The following PTPN3 variants were observed in gnomAD, a reference collection of about 807,000 sequenced individuals.
The protein encoded by PTPN3 is tyrosine-protein phosphatase non-receptor type 3.
In PTPN3, 96 loss-of-function variants were observed where a neutral mutation model predicts 132.7. That is an observed-to-expected ratio of 0.72 (90% CI 0.61 to 0.86). PTPN3 has a LOEUF of 0.86. PTPN3 is among the 40% of genes least tolerant of loss of function. The pLI, the probability that PTPN3 is intolerant of heterozygous loss-of-function variation, is 0.00. For synonymous variants in PTPN3, 398 were observed against 429.0 expected, an observed-to-expected ratio of 0.93 and a Z score of 0.89; for missense variants, 1,125 against 1,159.6, an observed-to-expected ratio of 0.97 and a Z score of 0.43.
chr9:109,489,686 G>A (rs926679784), intron 1 of PTPN3, among the ~76,000 whole-genome samples: 32 of 151,992 alleles, frequency 2.1e-4, no homozygotes, highest in African/African-American at 6.3e-4. Context: ...TAGCAGGGAC[G>A]CCCAGCCTGA....
Position 109,420,501 on chromosome 9 carries a change from TAC to T in PTPN3, c.1234_1235del (p.Val412IlefsTer16), listed in dbSNP as rs865871462. 1.9e-6 allele frequency: 3 copies of T among 1,613,704 alleles called. No individual in the cohort carries two copies. The highest frequency in any genetic ancestry group is 2.5e-6 in the Non-Finnish European group (3 of 1,179,966). On this transcript the variant is annotated frameshift_variant, in exon 14 of 26. Coordinates refer to ENST00000374541, the MANE Select transcript of PTPN3 (RefSeq NM_002829.4). LOFTEE classifies it high-confidence loss of function. ...EMTYITETED[V>X]FYTYKGSLAP... is the part of the protein sequence containing the mutation. ...CCAGAGAGCCCTTGTACGTGTAAAA[TAC>T]ATCTTCCGTTTCCGTGATGTAGGTC...
chr9:109,468,361 T>TG (rs1018298699), intron 1 of PTPN3, among the ~76,000 whole-genome samples: 137 of 152,026 alleles, frequency 9.0e-4, no homozygotes, highest in Middle Eastern at 3.4e-3. Flanking sequence ...CAGTTTTTTT[T>TG]TTTGTTTGTT....
At chr9:109,452,197 G>T (rs988049146) in intron 5 of PTPN3, among the ~76,000 whole-genome samples, 1 of 150,416 alleles carries the variant, frequency 6.6e-6, no homozygotes, top group Non-Finnish European at 1.5e-5. Flanking sequence ...GAACCCGGGA[G>T]GCCGAGGTTA....
intron 2 of PTPN3, among the ~76,000 whole-genome samples, chr9:109,458,130 T>C (rs1338995766): frequency 6.6e-6 from 1 of 152,122 alleles, no homozygotes; most frequent in Admixed American, 6.5e-5. Context: ...GCAGTGGCTG[T>C]AACAGAGTGT....
At position 109,427,057 on chromosome 9, in the gene PTPN3, C is replaced by T; in HGVS notation, c.894G>A (p.Trp298Ter). ...MLNYRSCKNLWKSCVEHHTFF... is the reference protein window; with the variant it reads ...MLNYRSCKNL The stretch of plus-strand genomic sequence containing the variant: ...ACGTATGGTGCTCAACACAGGATTT[C>T]CACAAGTTTTTGCAAGATCGGTAAT... The change falls in exon 12 of 26, where the codon TGG becomes TGA. Residue 298 changes from tryptophan to a stop codon, truncating the protein, a stop_gained. Transcript: ENST00000374541. LOFTEE classifies it high-confidence loss of function. 3 of 1,614,060 alleles carry T rather than the reference C, an allele frequency of 1.9e-6. No individual in the cohort carries two copies. The highest frequency in any genetic ancestry group is 2.2e-5 in the East Asian group (1 of 44,884).
At chr9:109,417,659 C>T in intron 14 of PTPN3, 1 of 985,010 alleles carries the variant, frequency 1.0e-6, no homozygotes. Flanking sequence ...AAAGTGGCTT[C>T]CCACCGGCAG....
At chr9:109,412,377 ATT>A (rs60379815) in intron 14 of PTPN3, among the ~76,000 whole-genome samples, 17 of 142,608 alleles carry the variant, frequency 1.2e-4, no homozygotes, top group South Asian at 4.6e-4. Flanking sequence ...ACTAATTTTA[ATT>A]TTTTTTTTTT....
rs115904306 is a variant in PTPN3 at position 109,496,166 on chromosome 9, C to T, written c.-18+2053G>A. Among the ~76,000 whole-genome samples, 892 of 152,314 alleles carry T rather than the reference C, an allele frequency of 5.9e-3. 10 individuals are homozygous for T. Among genetic ancestry groups the T allele is most frequent in the African/African-American group, 0.02 (825 of 41,552 alleles). ...CAGGATCAATACAGAGTATTAGGCA[C>T]GTTCTATTCTACTCTAATTCTCTGC... On this transcript the variant is annotated intron_variant, in intron 1 of 25. Transcript: ENST00000374541.
At chr9:109,385,397 A>G (rs1297577741) in intron 22 of PTPN3, among the ~76,000 whole-genome samples, 1 of 152,238 alleles carries the variant, frequency 6.6e-6, no homozygotes, top group Admixed American at 6.5e-5. Context: ...GAAGCTTCAT[A>G]TCTTCAGAAC....
chr9:109,459,704 T>C (rs534077301), intron 2 of PTPN3, among the ~76,000 whole-genome samples: 2 of 152,258 alleles, frequency 1.3e-5, no homozygotes, highest in African/African-American at 4.8e-5. Context: ...CATTAACCAC[T>C]GCACCCAGCC....
chr9:109,521,917 C>G, the PTPN3 span, among the ~76,000 whole-genome samples: 1 of 152,052 alleles, frequency 6.6e-6, no homozygotes, highest in Non-Finnish European at 1.5e-5. Flanking sequence ...CTAGTCTTAT[C>G]CCTTCATTTT....
In PTPN3 at chr9:109,410,057, T is replaced by G. The variant is rs748710824; in HGVS notation, c.1520A>C (p.Tyr507Ser). Residue 507 changes from tyrosine (Y) to serine (S), a missense_variant, in exon 16 of 26, where the codon TAC (tyrosine) becomes TCC (serine). Physicochemically the swap from Tyr to Ser is moderately radical, Grantham distance 144. Coordinates refer to ENST00000374541, the MANE Select transcript of PTPN3 (RefSeq NM_002829.4). ...YCDKNDNGDS[Y>S]LVLIRITPDE... ...TGGTGTGATACGGATCAAGACTAAGTAGCTGTCACCATTATCATTCTGGAA... is the reference window on the plus strand; with the variant it reads ...TGGTGTGATACGGATCAAGACTAAGGAGCTGTCACCATTATCATTCTGGAA... 1 of 1,614,234 alleles carries G rather than the reference T, an allele frequency of 6.2e-7. No homozygotes were observed. Among genetic ancestry groups the G allele is most frequent in the Non-Finnish European group, 8.5e-7 (1 of 1,180,050 alleles).
At chr9:109,405,762 T>G (rs572644844) in intron 18 of PTPN3, among the ~76,000 whole-genome samples, 1 of 152,344 alleles carries the variant, frequency 6.6e-6, no homozygotes, top group South Asian at 2.1e-4. Flanking sequence ...GCTATTGTAT[T>G]TTTAGCAGAG....
intron 5 of PTPN3, among the ~76,000 whole-genome samples, chr9:109,453,445 TTG>T (rs1185928116): frequency 1.3e-5 from 2 of 152,168 alleles, no homozygotes; most frequent in African/African-American, 4.8e-5. Flanking sequence ...GAAAGTTTGT[TTG>T]TGCAGTCTGT....
At chr9:109,517,925 C>A in the PTPN3 span, among the ~76,000 whole-genome samples, 2 of 152,148 alleles carry the variant, frequency 1.3e-5, no homozygotes, top group Non-Finnish European at 2.9e-5. Flanking sequence ...CCACTCCCTG[C>A]AGGCTGTGGT....
intron 15 of PTPN3, 22 bp from the exon 16 acceptor site, chr9:109,410,098 G>A: frequency 6.2e-7 from 1 of 1,614,160 alleles, no homozygotes; most frequent in South Asian, 1.1e-5. Context: ...TTTGAAAGTG[G>A]TCATTTGCAT....
rs1844192062 is a variant in PTPN3 at position 109,438,120 on chromosome 9, T to C, written c.581A>G (p.Gln194Arg). 6.2e-7 allele frequency: 1 copy of C among 1,613,610 alleles called. No individual in the cohort carries two copies. The highest frequency in any genetic ancestry group is 1.7e-5 in the Admixed American group (1 of 59,940). Residue 194 changes from glutamine to arginine, a missense_variant, in exon 8 of 26, where the codon CAG becomes CGG. Gln to Arg is a conservative substitution (Grantham distance 43). Coordinates refer to ENST00000374541, the MANE Select transcript of PTPN3 (RefSeq NM_002829.4). ...CCACCCCAGCCCCCCTCACCTGTGCTGCTCATGCAGAGATTCGACTTTTGT... is the reference window on the plus strand; with the variant it reads ...CCACCCCAGCCCCCCTCACCTGTGCCGCTCATGCAGAGATTCGACTTTTGT... ...FLTKVESLHE[Q>R]HSGLKQSEAE... is the part of the protein sequence containing the mutation.
At chr9:109,425,453 G>A (rs1200640153) in intron 12 of PTPN3, among the ~76,000 whole-genome samples, 1 of 152,204 alleles carries the variant, frequency 6.6e-6, no homozygotes, top group African/African-American at 2.4e-5. Context: ...GCTCATGCCT[G>A]TAACCCCAAC....
chr9:109,385,915 G>C (rs917693570), intron 22 of PTPN3, among the ~76,000 whole-genome samples: 4 of 152,220 alleles, frequency 2.6e-5, no homozygotes, highest in African/African-American at 7.2e-5. Flanking sequence ...GGAAGGGAAA[G>C]CTGACCAGGG....
Sources: allele counts gnomAD v4.1 joint callset (sites outside exome capture counted in the v4.1 genomes callset), GRCh38; gene constraint gnomAD v4.1.1; transcripts MANE v1.5; gene names NCBI Gene and HGNC (gene_info 2026-07-23, HGNC 2026-07-21).